The following CCSER1 variants were observed in gnomAD, a reference collection of about 807,000 sequenced individuals.
CCSER1 encodes the protein coiled-coil serine rich protein 1, also known as serine-rich coiled-coil domain-containing protein 1.
Under a neutral mutation model 82.0 loss-of-function variants are expected in CCSER1, and 41 were observed. The observed-to-expected ratio is 0.50, with a 90% CI of 0.39 to 0.65. The LOEUF (loss-of-function observed/expected upper bound fraction) is 0.65. CCSER1 is among the 30% of genes least tolerant of loss of function. CCSER1 has a pLI of 0.00. For missense variants in CCSER1, 1,119 were observed against 1,064.2 expected, an observed-to-expected ratio of 1.05 and a Z score of -0.72; for synonymous variants, 414 against 383.9, an observed-to-expected ratio of 1.08 and a Z score of -0.92.
intron 10 of CCSER1, among the ~76,000 whole-genome samples, chr4:91,428,629 G>T (rs1383965698): frequency 6.6e-6 from 1 of 151,896 alleles, no homozygotes; most frequent in East Asian, 1.9e-4. Context: ...AGACTCTCTA[G>T]TTGTTTATTT....
intron 5 of CCSER1, among the ~76,000 whole-genome samples, chr4:90,524,519 A>C (rs192384111): frequency 6.6e-6 from 1 of 152,218 alleles, no homozygotes; most frequent in East Asian, 1.9e-4. Flanking sequence ...GCCAGGCTGG[A>C]GTGCAGTGGT....
Position 91,173,593 on chromosome 4 carries a change from C to CAAAA in CCSER1, c.2217+87622_2217+87625dup, listed in dbSNP as rs55747744. On this transcript the variant is annotated intron_variant, in intron 10 of 10. Coordinates refer to ENST00000509176, the MANE Select transcript of CCSER1 (RefSeq NM_001145065.2). ...TGGGCGACAGAGTGAGACTCCGTCT[C>CAAAA]AAAAAAAAAAAAAAAAAAAAAAAAA... 6.7e-5 allele frequency among the ~76,000 whole-genome samples: 7 copies of CAAAA among 104,690 alleles called. No homozygotes were observed. In the South Asian group the frequency reaches 1.3e-3, roughly 20 times the overall value. The allele number at this position is 104,690 out of a possible 152,430, so 68.7% of individuals were successfully genotyped here. A position where few individuals can be genotyped will look rare whatever the true frequency, so the allele number is the denominator to read the frequency against.
intron 10 of CCSER1, among the ~76,000 whole-genome samples, chr4:91,158,872 G>A (rs960369171): frequency 6.6e-6 from 1 of 151,918 alleles, no homozygotes; most frequent in African/African-American, 2.4e-5. Flanking sequence ...TTAGGACATA[G>A]GCATTACCAG....
intron 7 of CCSER1, among the ~76,000 whole-genome samples, chr4:90,785,973 T>C (rs1297092992): frequency 6.6e-6 from 1 of 152,242 alleles, no homozygotes; most frequent in African/African-American, 2.4e-5. Context: ...GAGGTACTTA[T>C]GTAAAATTGT....
At chr4:90,433,223 A>G (rs1349766239) in intron 4 of CCSER1, among the ~76,000 whole-genome samples, 1 of 152,074 alleles carries the variant, frequency 6.6e-6, no homozygotes, top group African/African-American at 2.4e-5. Flanking sequence ...TCTTTCCATT[A>G]TAATTAATCT....
chr4:90,850,414 C>T (rs1185385636), intron 8 of CCSER1, among the ~76,000 whole-genome samples: 2 of 152,220 alleles, frequency 1.3e-5, no homozygotes, highest in East Asian at 3.9e-4. Context: ...GCTGCAAACA[C>T]TCAACCCCAG....
At chr4:90,827,921 A>C (rs1198734110) in intron 8 of CCSER1, among the ~76,000 whole-genome samples, 1 of 152,084 alleles carries the variant, frequency 6.6e-6, no homozygotes, top group Non-Finnish European at 1.5e-5. Flanking sequence ...TATAGAGCCG[A>C]GGGGGAAGGG....
At chr4:91,121,034 T>C (rs1464379625) in intron 10 of CCSER1, among the ~76,000 whole-genome samples, 1 of 151,862 alleles carries the variant, frequency 6.6e-6, no homozygotes, top group Non-Finnish European at 1.5e-5. Flanking sequence ...GGATGTTTAA[T>C]AAAAAACATT....
intron 9 of CCSER1, among the ~76,000 whole-genome samples, chr4:90,957,532 A>ATATTT: frequency 8.2e-6 from 1 of 121,272 alleles, no homozygotes; most frequent in African/African-American, 3.6e-5. Flanking sequence ...ATCATATATT[A>ATATTT]TATATATTAT....
intron 9 of CCSER1, among the ~76,000 whole-genome samples, chr4:91,034,541 ACACC>A (rs1326886647): frequency 3.9e-5 from 3 of 76,264 alleles, no homozygotes; most frequent in Non-Finnish European, 1.0e-4. Context: ...AAAATTTCAT[ACACC>A]CCCCCCAATT....
At chr4:91,415,946 T>C (rs1272237449) in intron 10 of CCSER1, among the ~76,000 whole-genome samples, 1 of 152,112 alleles carries the variant, frequency 6.6e-6, no homozygotes, top group Non-Finnish European at 1.5e-5. Context: ...TCCCTCATTT[T>C]CAATTGTTTG....
chr4:91,085,199 A>G (rs1484825132), intron 9 of CCSER1, among the ~76,000 whole-genome samples: 2 of 152,010 alleles, frequency 1.3e-5, no homozygotes, highest in Non-Finnish European at 2.9e-5. Context: ...GTGCTATTCA[A>G]ATTTTCATCA....
intron 9 of CCSER1, among the ~76,000 whole-genome samples, chr4:90,984,219 G>A (rs1302654156): frequency 1.3e-5 from 2 of 151,782 alleles, no homozygotes; most frequent in African/African-American, 4.8e-5. Context: ...GTGCGTTGTT[G>A]AGAAAGTGCA....
chr4:91,098,165 A>G (rs1195681431), intron 10 of CCSER1, among the ~76,000 whole-genome samples: 2 of 152,236 alleles, frequency 1.3e-5, no homozygotes, highest in African/African-American at 2.4e-5. Flanking sequence ...TCATTTGAAT[A>G]TATAACATCC....
chr4:90,383,478 GA>G (rs920882392), intron 3 of CCSER1, among the ~76,000 whole-genome samples: 5 of 152,096 alleles, frequency 3.3e-5, no homozygotes, highest in African/African-American at 1.2e-4. Flanking sequence ...AAGAAGTCAA[GA>G]CTTCTCTTTC....
At chr4:91,292,749 T>C (rs1218245915) in intron 10 of CCSER1, among the ~76,000 whole-genome samples, 1 of 151,948 alleles carries the variant, frequency 6.6e-6, no homozygotes, top group Non-Finnish European at 1.5e-5. Flanking sequence ...TTAAGAATCA[T>C]TAAAACAGAG....
At chr4:91,301,301 C>T (rs1578149618) in intron 10 of CCSER1, among the ~76,000 whole-genome samples, 1 of 151,724 alleles carries the variant, frequency 6.6e-6, no homozygotes, top group South Asian at 2.1e-4. Context: ...AGAAAATCTA[C>T]CTTTACTTCT....
At chr4:90,266,171 A>G (rs1262931036) in intron 1 of CCSER1, among the ~76,000 whole-genome samples, 2 of 152,148 alleles carry the variant, frequency 1.3e-5, no homozygotes, top group African/African-American at 2.4e-5. Flanking sequence ...TTACATTTCA[A>G]TACTTCAGGT....
chr4:90,933,308 C>T (rs897941301), intron 9 of CCSER1, among the ~76,000 whole-genome samples: 7 of 151,494 alleles, frequency 4.6e-5, no homozygotes, highest in African/African-American at 1.7e-4. Flanking sequence ...CTGCCTCAGC[C>T]TCCTGAGTAG....
Sources: gnomAD v4.1 joint callset for allele counts (sites outside exome capture counted in the v4.1 genomes callset) on GRCh38, gnomAD v4.1.1 for gene constraint, MANE v1.5 for transcripts, NCBI Gene and HGNC (gene_info 2026-07-23, HGNC 2026-07-21) for gene names.